FSTL5: variants seen among roughly 807,000 people sequenced by gnomAD.
The protein encoded by FSTL5 is follistatin like 5.
A neutral mutation model predicts 89.1 loss-of-function variants in FSTL5; 62 were observed. That is an observed-to-expected ratio of 0.70 (90% CI 0.57 to 0.86). The LOEUF (loss-of-function observed/expected upper bound fraction) is 0.86. Ranked by LOEUF, FSTL5 falls within the 40% of genes least tolerant of loss-of-function variation. FSTL5 has a pLI of 0.00. For missense variants in FSTL5, 1,057 were observed against 1,001.6 expected (o/e 1.06, Z -0.75); for synonymous variants, 383 against 346.2 (o/e 1.11, Z -1.18).
chr4:162,070,923 G>A (rs1029195822), intron 2 of FSTL5, among the ~76,000 whole-genome samples: 2 of 151,236 alleles, frequency 1.3e-5, no homozygotes, highest in African/African-American at 4.8e-5. Context: ...ACATCTAGAA[G>A]AAAAAGGATA....
Position 161,766,922 on chromosome 4 carries a change from A to C in FSTL5, c.607-7391T>G, listed in dbSNP as rs926311200. On this transcript the variant is annotated intron_variant, in intron 5 of 15. Transcript: ENST00000306100. ...ATGATAGATCGATTGATAGATAGAT[A>C]GATAGATAGATAGATAGATAGATAG... 7.5e-5 allele frequency among the ~76,000 whole-genome samples: 11 copies of C among 147,514 alleles called. No individual in the cohort carries two copies. In the South Asian group the frequency reaches 8.4e-4, roughly 11 times the overall value.
chr4:161,756,402 T>TCA (rs1338907238), intron 6 of FSTL5, among the ~76,000 whole-genome samples: 94 of 152,198 alleles, frequency 6.2e-4, no homozygotes, highest in African/African-American at 2.3e-3. Context: ...CTAAATTCAT[T>TCA]GTATTTACTA....
chr4:161,886,818 G>T (rs1182685449), intron 4 of FSTL5, among the ~76,000 whole-genome samples: 6 of 152,086 alleles, frequency 3.9e-5, no homozygotes, highest in African/African-American at 1.4e-4. Context: ...AAATGCACAT[G>T]CTAAATATGA....
At chr4:161,522,011 A>T (rs917497462) in intron 10 of FSTL5, among the ~76,000 whole-genome samples, 2 of 152,066 alleles carry the variant, frequency 1.3e-5, no homozygotes, top group South Asian at 4.1e-4. Flanking sequence ...CACATGCTAG[A>T]ATATGACAAA....
intron 6 of FSTL5, 45 bp downstream of exon 6, chr4:161,759,365 CA>C: frequency 6.4e-7 from 1 of 1,551,910 alleles, no homozygotes; most frequent in Non-Finnish European, 8.7e-7. Flanking sequence ...TGTAAAGCAA[CA>C]GGAAAAAGAA....
intron 3 of FSTL5, among the ~76,000 whole-genome samples, chr4:161,992,235 G>A (rs1296778616): frequency 1.3e-5 from 2 of 152,188 alleles, no homozygotes; most frequent in South Asian, 2.1e-4. Context: ...CTGGCTACTG[G>A]GTGGAGAAGA....
chr4:161,872,346 A>G (rs185883853), intron 4 of FSTL5, among the ~76,000 whole-genome samples: 4 of 152,174 alleles, frequency 2.6e-5, no homozygotes, highest in African/African-American at 9.6e-5. Flanking sequence ...TTACCAGAAT[A>G]TATTGCTTAG....
At chr4:162,103,224 GAAAT>G (rs1731073223) in intron 2 of FSTL5, among the ~76,000 whole-genome samples, 1 of 152,116 alleles carries the variant, frequency 6.6e-6, no homozygotes, top group Non-Finnish European at 1.5e-5. Context: ...TCTAGAATAG[GAAAT>G]AAAGTTTTTT....
At chr4:161,818,319 A>G (rs1730390768) in intron 4 of FSTL5, among the ~76,000 whole-genome samples, 1 of 152,158 alleles carries the variant, frequency 6.6e-6, no homozygotes, top group African/African-American at 2.4e-5. Flanking sequence ...ACTTCCACTC[A>G]ATAAAACCTT....
In FSTL5 at chr4:161,718,662, T is replaced by C. The variant is rs183820230; in HGVS notation, c.727+40749A>G. Among the ~76,000 whole-genome samples, 112 of 152,228 alleles carry C rather than the reference T, an allele frequency of 7.4e-4. 1 individual carries two copies. The East Asian group carries it at 0.02, about 27-fold the overall frequency. On this transcript the variant is annotated intron_variant, in intron 6 of 15. Transcript: ENST00000306100. ...CCAGGATGGTCTCCATCTCCTGACC[T>C]CGTGGCCCACCCACCTCAGCCTCCC...
At chr4:161,782,657 T>A (rs1427263549) in intron 4 of FSTL5, among the ~76,000 whole-genome samples, 1 of 152,208 alleles carries the variant, frequency 6.6e-6, no homozygotes, top group Non-Finnish European at 1.5e-5. Flanking sequence ...ACTGATTAAT[T>A]TTGGGAATTA....
chr4:161,753,635 T>G (rs950535695), intron 6 of FSTL5, among the ~76,000 whole-genome samples: 1 of 152,234 alleles, frequency 6.6e-6, no homozygotes, highest in Non-Finnish European at 1.5e-5. Context: ...TCATTTTTAT[T>G]GTTCTAATTA....
At chr4:161,777,262 C>T (rs74809722) in intron 4 of FSTL5, among the ~76,000 whole-genome samples, 2 of 65,126 alleles carry the variant, frequency 3.1e-5, no homozygotes, top group African/African-American at 4.2e-5. Flanking sequence ...TATATATATA[C>T]ACACACCATA....
intron 10 of FSTL5, among the ~76,000 whole-genome samples, chr4:161,521,574 C>T (rs1731024257): frequency 6.6e-6 from 1 of 151,924 alleles, no homozygotes; most frequent in Admixed American, 6.6e-5. Context: ...GGTGGCCGGG[C>T]GCGGTGGCTC....
chr4:161,585,924 CT>C (rs1442613841), intron 8 of FSTL5, among the ~76,000 whole-genome samples: 1 of 152,216 alleles, frequency 6.6e-6, no homozygotes, highest in East Asian at 1.9e-4. Flanking sequence ...CGCCTGCTTT[CT>C]TCCCTGGTTT....
intron 6 of FSTL5, among the ~76,000 whole-genome samples, chr4:161,694,043 T>A (rs904675419): frequency 5.9e-5 from 9 of 152,172 alleles, no homozygotes; most frequent in African/African-American, 2.2e-4. Context: ...AGATAAAAGT[T>A]TATCAAATTT....
intron 15 of FSTL5, among the ~76,000 whole-genome samples, chr4:161,423,947 C>T (rs1006971017): frequency 6.6e-6 from 1 of 151,020 alleles, no homozygotes; most frequent in Non-Finnish European, 1.5e-5. Context: ...GCAAGCTCTG[C>T]CTCCTGGGTT....
intron 2 of FSTL5, among the ~76,000 whole-genome samples, chr4:162,040,736 T>A (rs564969899): frequency 6.6e-6 from 1 of 152,204 alleles, no homozygotes; most frequent in Non-Finnish European, 1.5e-5. Context: ...AGAATTTGAG[T>A]CATATCCCTG....
chr4:161,483,179 CT>C (rs1243936385), intron 12 of FSTL5, among the ~76,000 whole-genome samples: 3 of 152,170 alleles, frequency 2.0e-5, no homozygotes, highest in Non-Finnish European at 4.4e-5. Flanking sequence ...CTAAGTCAAC[CT>C]TTTCTTCAGA....
Sources: gnomAD v4.1 joint callset for allele counts (sites outside exome capture counted in the v4.1 genomes callset) on GRCh38, gnomAD v4.1.1 for gene constraint, MANE v1.5 for transcripts, NCBI Gene and HGNC (gene_info 2026-07-23, HGNC 2026-07-21) for gene names.